ARMC1: variants seen among roughly 807,000 people sequenced by gnomAD.
The protein encoded by ARMC1 is armadillo repeat-containing protein 1.
Under a neutral mutation model 31.4 loss-of-function variants are expected in ARMC1, and 16 were observed. The observed-to-expected ratio is 0.51, with a 90% CI of 0.34 to 0.77. The LOEUF (loss-of-function observed/expected upper bound fraction) is 0.77, where lower values mean the gene tolerates loss of function less well. Among genes scored for constraint, ARMC1 ranks in the 30% least tolerant of loss-of-function variants. The pLI is 0.01. For missense variants in ARMC1, 259 were observed against 347.5 expected, an observed-to-expected ratio of 0.75 and a Z score of 2.02; for synonymous variants, 114 against 118.9, an observed-to-expected ratio of 0.96 and a Z score of 0.27.
intron 3 of ARMC1, among the ~76,000 whole-genome samples, chr8:65,621,832 A>G (rs1808400082): frequency 6.6e-6 from 1 of 152,208 alleles, no homozygotes; most frequent in African/African-American, 2.4e-5. Context: ...AAATGCCTCT[A>G]CCAGCACCAT....
chr8:65,616,468 A>G (rs1396879507), intron 3 of ARMC1, among the ~76,000 whole-genome samples: 4 of 152,262 alleles, frequency 2.6e-5, no homozygotes, highest in African/African-American at 7.2e-5. Context: ...GCAGTGGCGT[A>G]ATCTCGGCTG....
intron 4 of ARMC1, among the ~76,000 whole-genome samples, chr8:65,609,857 C>T (rs1435575866): frequency 1.1e-5 from 1 of 93,062 alleles, no homozygotes; most frequent in Non-Finnish European, 2.0e-5. Context: ...GACTCTGTCT[C>T]AAAAAAAAAA....
At chr8:65,632,081 G>C (rs1433938312) in intron 1 of ARMC1, among the ~76,000 whole-genome samples, 1 of 152,162 alleles carries the variant, frequency 6.6e-6, no homozygotes, top group East Asian at 1.9e-4. Context: ...ACTTTATGCT[G>C]CTGTATAAAT....
intron 3 of ARMC1, among the ~76,000 whole-genome samples, chr8:65,615,723 T>TAAATA (rs375105116): frequency 2.2e-4 from 34 of 151,508 alleles, no homozygotes; most frequent in African/African-American, 7.3e-4. Flanking sequence ...AAAAAATGAA[T>TAAATA]AAATAAAATA....
Position 65,627,359 on chromosome 8 carries a change from C to G in ARMC1, c.40G>C (p.Ala14Pro). The change falls in exon 2 of 7, where the codon GCT becomes CCT. Residue 14 changes from alanine (A) to proline (P), a missense_variant. Around this residue, in one of 3 missense-constraint regions of ARMC1, gnomAD observed 163 missense variants for 186.7 expected, o/e 0.87. Transcript: ENST00000276569. Reference protein sequence around the residue: ...STSTMSEEPDALSVVNQLRDL... With the variant: ...STSTMSEEPDPLSVVNQLRDL... ...CGTAACTGGTTAACTACCGATAGAG[C>G]GTCAGGCTCTTCACTCATGGTGGAA... 1.2e-6 allele frequency: 2 copies of G among 1,606,866 alleles called. No individual in the cohort carries two copies. Among genetic ancestry groups the G allele is most frequent in the Non-Finnish European group, 1.7e-6 (2 of 1,176,044 alleles).
At chr8:65,627,464 G>C in intron 1 of ARMC1, 31 bp from the exon 2 acceptor site, 1 of 1,327,384 alleles carries the variant, frequency 7.5e-7, no homozygotes, top group Non-Finnish European at 1.0e-6. Context: ...ATTAGTTCTA[G>C]GCTGCTGAGG....
intron 2 of ARMC1, among the ~76,000 whole-genome samples, chr8:65,625,887 C>CTTTT (rs1318215282): frequency 7.1e-6 from 1 of 141,684 alleles, no homozygotes; most frequent in African/African-American, 2.6e-5. Flanking sequence ...TTTTTAACAA[C>CTTTT]TTTTTTTTTT....
intron 3 of ARMC1, among the ~76,000 whole-genome samples, chr8:65,622,030 G>A (rs879441212): frequency 8.6e-5 from 13 of 151,750 alleles, no homozygotes; most frequent in East Asian, 1.9e-4. Context: ...CTCCACCTCC[G>A]GGGTTCCAGC....
chr8:65,613,369 T>C lies in ARMC1; in HGVS notation c.340A>G (p.Asn114Asp). ...SEIYDILQSS[N>D]MADGDSFNEM... ...TTAAAACTATCACCATCTGCCATAT[T>C]GGAGGACTGAAGAATGTCATAGATT... Residue 114 changes from asparagine to aspartate, a missense_variant, in exon 4 of 7, where the codon AAT becomes GAT. Physicochemically the swap from Asn to Asp is conservative, Grantham distance 23. Around this residue, in one of 3 missense-constraint regions of ARMC1, gnomAD observed 163 missense variants for 186.7 expected, o/e 0.87. Coordinates refer to ENST00000276569, the MANE Select transcript of ARMC1 (RefSeq NM_018120.6). The C allele has an allele frequency of 6.2e-7, 1 of 1,611,818 alleles. No individual in the cohort carries two copies. Among genetic ancestry groups the C allele is most frequent in the Non-Finnish European group, 8.5e-7 (1 of 1,179,208 alleles).
chr8:65,626,098 C>T (rs1395079046), intron 2 of ARMC1, among the ~76,000 whole-genome samples: 2 of 152,046 alleles, frequency 1.3e-5, no homozygotes, highest in African/African-American at 4.8e-5. Context: ...ACTACGTTGG[C>T]CAAGCTGGTG....
intron 4 of ARMC1, among the ~76,000 whole-genome samples, chr8:65,609,857 C>CAAAAAAAAAAAA (rs35519675): frequency 1.1e-5 from 1 of 93,058 alleles, no homozygotes; most frequent in Non-Finnish European, 2.0e-5. Context: ...GACTCTGTCT[C>CAAAAAAAAAAAA]AAAAAAAAAA....
intron 1 of ARMC1, chr8:65,633,764 G>A (rs1808703835): frequency 6.6e-6 from 1 of 152,318 alleles, no homozygotes; most frequent in South Asian, 2.1e-4. Flanking sequence ...TAATACTGGG[G>A]TTAGTAAAAG....
chr8:65,617,143 C>G (rs542450366), intron 3 of ARMC1, among the ~76,000 whole-genome samples: 7 of 152,230 alleles, frequency 4.6e-5, no homozygotes, highest in Non-Finnish European at 1.5e-5. Flanking sequence ...TCATTGAGAA[C>G]GGGCCATGAT....
At position 65,632,208 on chromosome 8, in the gene ARMC1, G is replaced by C. The variant is rs142990543; in HGVS notation, c.-36+1790C>G. Among the ~76,000 whole-genome samples, 643 of 152,278 alleles carry C rather than the reference G, an allele frequency of 4.2e-3. 3 individuals carry two copies. The highest frequency in any genetic ancestry group is 0.015 in the African/African-American group (607 of 41,570). ...AATCCAAGCACTTTGGGAGGCCCAG[G>C]GGGGTGGATCTCTTGAGCCTAGAAG... is the stretch of plus-strand genomic sequence containing the variant. On this transcript the variant is annotated intron_variant, in intron 1 of 6. Coordinates refer to ENST00000276569, the MANE Select transcript of ARMC1 (RefSeq NM_018120.6).
chr8:65,616,674 G>C (rs1172682199), intron 3 of ARMC1, among the ~76,000 whole-genome samples: 1 of 150,608 alleles, frequency 6.6e-6, no homozygotes, highest in East Asian at 2.0e-4. Flanking sequence ...CCGCCATCAC[G>C]TCTAGGAAGT....
intron 3 of ARMC1, among the ~76,000 whole-genome samples, chr8:65,620,798 T>TAAAAAA (rs776508929): frequency 1.5e-4 from 7 of 46,484 alleles, no homozygotes; most frequent in Admixed American, 3.8e-4. Context: ...TTAGTTCCAT[T>TAAAAAA]TAAAAAAAAA....
intron 3 of ARMC1, among the ~76,000 whole-genome samples, chr8:65,621,438 C>T (rs1808391802): frequency 6.6e-6 from 1 of 152,194 alleles, no homozygotes; most frequent in Admixed American, 6.5e-5. Context: ...AATTATATTA[C>T]AAAGTCACAC....
intron 3 of ARMC1, among the ~76,000 whole-genome samples, chr8:65,620,798 T>TAAAAAAAA (rs776508929): frequency 8.0e-4 from 37 of 46,504 alleles, no homozygotes; most frequent in South Asian, 2.0e-3. Flanking sequence ...TTAGTTCCAT[T>TAAAAAAAA]TAAAAAAAAA....
intron 1 of ARMC1, among the ~76,000 whole-genome samples, chr8:65,628,148 A>G (rs1808554109): frequency 6.6e-6 from 1 of 152,226 alleles, no homozygotes; most frequent in African/African-American, 2.4e-5. Flanking sequence ...AATTTGCCCC[A>G]CATCACAAAA....
Sources: allele counts gnomAD v4.1 joint callset (sites outside exome capture counted in the v4.1 genomes callset), GRCh38; gene constraint gnomAD v4.1.1; regional missense constraint gnomAD v4.1.1; transcripts MANE v1.5; gene names NCBI Gene and HGNC (gene_info 2026-07-23, HGNC 2026-07-21).